The following CSMD3 variants were observed in gnomAD, a reference collection of about 807,000 sequenced individuals.
CSMD3 encodes CUB and Sushi multiple domains 3.
In CSMD3, 177 loss-of-function variants were observed where a neutral mutation model predicts 435.2. The observed-to-expected ratio is 0.41, with a 90% confidence interval of 0.36 to 0.46. The LOEUF is 0.46. Ranked by LOEUF, CSMD3 falls within the 20% of genes least tolerant of loss-of-function variation. The probability of loss-of-function intolerance (pLI) is 0.34; values close to 1 mark genes in which losing one functional copy is unlikely to be tolerated. For synonymous variants in CSMD3, 1,656 were observed against 1,520.5 expected, an observed-to-expected ratio of 1.09 and a Z score of -2.07; for missense variants, 4,265 against 4,504.6, an observed-to-expected ratio of 0.95 and a Z score of 1.52.
At chr8:113,234,794 A>G (rs1209361198) in intron 3 of CSMD3, among the ~76,000 whole-genome samples, 1 of 152,122 alleles carries the variant, frequency 6.6e-6, no homozygotes, top group Non-Finnish European at 1.5e-5. Flanking sequence ...CTATGGAATG[A>G]AAATGTTGAC....
At chr8:112,527,406 C>A (rs1054030109) in intron 27 of CSMD3, among the ~76,000 whole-genome samples, 1 of 151,628 alleles carries the variant, frequency 6.6e-6, no homozygotes, top group Non-Finnish European at 1.5e-5. Context: ...GTATGCAGCT[C>A]ATAACATATC....
chr8:112,833,084 T>G (rs1274544033), intron 11 of CSMD3, among the ~76,000 whole-genome samples: 1 of 152,116 alleles, frequency 6.6e-6, no homozygotes, highest in Non-Finnish European at 1.5e-5. Flanking sequence ...AGACTGTACC[T>G]TATAAGTCAG....
intron 9 of CSMD3, among the ~76,000 whole-genome samples, chr8:112,928,341 C>G (rs1371436805): frequency 6.6e-6 from 1 of 152,108 alleles, no homozygotes; most frequent in Non-Finnish European, 1.5e-5. Context: ...TAATTTCAAA[C>G]CTTCAAGAGA....
chr8:113,248,376 T>C (rs1193425212), intron 3 of CSMD3, among the ~76,000 whole-genome samples: 1 of 149,706 alleles, frequency 6.7e-6, no homozygotes, highest in African/African-American at 2.4e-5. Context: ...ATAGAGATTT[T>C]AGTATATAAT....
intron 27 of CSMD3, among the ~76,000 whole-genome samples, chr8:112,548,556 G>C (rs1827393684): frequency 6.6e-6 from 1 of 151,976 alleles, no homozygotes; most frequent in Non-Finnish European, 1.5e-5. Flanking sequence ...CTGACTTTCT[G>C]AACATTAATG....
intron 3 of CSMD3, among the ~76,000 whole-genome samples, chr8:113,186,778 C>A (rs991317320): frequency 2.0e-5 from 3 of 151,968 alleles, no homozygotes; most frequent in African/African-American, 4.8e-5. Context: ...ATTTAACGTT[C>A]CACAGCAAGG....
At chr8:113,310,724 T>G (rs531727275) in intron 2 of CSMD3, 18 of 152,016 alleles carry the variant, frequency 1.2e-4, no homozygotes, top group Admixed American at 3.3e-4. Flanking sequence ...GAAAGCATAT[T>G]AGTAATATAA....
intron 5 of CSMD3, among the ~76,000 whole-genome samples, chr8:113,055,311 C>T (rs1039879282): frequency 3.9e-5 from 6 of 152,206 alleles, no homozygotes; most frequent in African/African-American, 4.8e-5. Flanking sequence ...CCACCGCGCC[C>T]GGCCTTGAGA....
chr8:113,406,192 G>T (rs989638564), intron 1 of CSMD3, among the ~76,000 whole-genome samples: 1 of 151,790 alleles, frequency 6.6e-6, no homozygotes, highest in African/African-American at 2.4e-5. Flanking sequence ...ATATTTATTG[G>T]ACATCTACCA....
At chr8:112,930,928 T>G (rs980037921) in intron 9 of CSMD3, among the ~76,000 whole-genome samples, 2 of 152,114 alleles carry the variant, frequency 1.3e-5, no homozygotes, top group Admixed American at 1.3e-4. Flanking sequence ...ATTGCATATG[T>G]CAGTAATGTA....
chr8:112,241,841 TGC>T (rs371891542), intron 65 of CSMD3, 56 bp from the exon 66 acceptor site: 216,415 of 793,208 alleles, frequency 0.27, 30,905 homozygotes, highest in East Asian at 0.43. Flanking sequence ...TACATACACA[TGC>T]GCACACACAC....
At chr8:113,032,121 A>T (rs997377665) in intron 5 of CSMD3, among the ~76,000 whole-genome samples, 45 of 151,762 alleles carry the variant, frequency 3.0e-4, no homozygotes, top group African/African-American at 1.1e-3. Flanking sequence ...ATCTTTATAC[A>T]GTGTGATAAC....
chr8:112,523,420 G>C (rs113927794), intron 27 of CSMD3, among the ~76,000 whole-genome samples: 3 of 152,014 alleles, frequency 2.0e-5, no homozygotes, highest in African/African-American at 7.2e-5. Context: ...GCTCTGTATA[G>C]GTTTTCTAAG....
At chr8:112,870,419 C>T (rs1564047441) in intron 10 of CSMD3, among the ~76,000 whole-genome samples, 1 of 151,746 alleles carries the variant, frequency 6.6e-6, no homozygotes, top group Non-Finnish European at 1.5e-5. Flanking sequence ...CAGGTGCCTG[C>T]CACCACATCC....
chr8:112,712,672 T>A (rs13278522), intron 13 of CSMD3, among the ~76,000 whole-genome samples: 1 of 152,146 alleles, frequency 6.6e-6, no homozygotes, highest in African/African-American at 2.4e-5. Context: ...TTGTGCCTTG[T>A]AGTCTTTTAA....
rs370688267 is a variant in CSMD3 at position 112,595,052 on chromosome 8, T to C, written c.3716-7817A>G. Among the ~76,000 whole-genome samples the C allele has an allele frequency of 3.3e-5, 5 of 151,764 alleles. No individual in the cohort carries two copies. In the South Asian group the frequency reaches 8.4e-4, roughly 25 times the overall value. On this transcript the variant is annotated intron_variant, in intron 22 of 70. Coordinates refer to ENST00000297405, the MANE Select transcript of CSMD3 (RefSeq NM_198123.2). ...CGAGCTGAGAGAAGAAGGCTTCAGA[T>C]GATCAAATTACTCTGAGCTACGGGA...
At chr8:113,370,571 A>C (rs1295982677) in intron 1 of CSMD3, among the ~76,000 whole-genome samples, 1 of 151,954 alleles carries the variant, frequency 6.6e-6, no homozygotes, top group Non-Finnish European at 1.5e-5. Flanking sequence ...CATTCATCCT[A>C]TCTTTCAAGA....
intron 5 of CSMD3, among the ~76,000 whole-genome samples, chr8:113,057,143 T>C (rs2088376873): frequency 6.6e-6 from 1 of 152,180 alleles, no homozygotes; most frequent in Non-Finnish European, 1.5e-5. Context: ...TACTACAATG[T>C]CTAACCCAAA....
At chr8:112,906,475 C>G (rs1276384803) in intron 10 of CSMD3, among the ~76,000 whole-genome samples, 1 of 151,002 alleles carries the variant, frequency 6.6e-6, no homozygotes, top group East Asian at 2.0e-4. Context: ...ACCAAAAAAA[C>G]GTCTCTAATA....
Sources: allele counts gnomAD v4.1 joint callset (sites outside exome capture counted in the v4.1 genomes callset), GRCh38; gene constraint gnomAD v4.1.1; transcripts MANE v1.5; gene names NCBI Gene and HGNC (gene_info 2026-07-23, HGNC 2026-07-21).